PCCA: variants seen among roughly 807,000 people sequenced by gnomAD.
PCCA encodes propionyl-CoA carboxylase subunit alpha, also known as propionyl-CoA carboxylase alpha chain, mitochondrial.
A neutral mutation model predicts 101.3 loss-of-function variants in PCCA; 74 were observed. The observed-to-expected ratio is 0.73, with a 90% CI of 0.61 to 0.89. The LOEUF (loss-of-function observed/expected upper bound fraction) is 0.89, where lower values mean the gene tolerates loss of function less well. Ranked by LOEUF, PCCA falls within the 40% of genes least tolerant of loss-of-function variation. The probability of loss-of-function intolerance (pLI) is 0.00; values close to 1 mark genes in which losing one functional copy is unlikely to be tolerated. For synonymous variants in PCCA, 294 were observed against 313.6 expected, an observed-to-expected ratio of 0.94 and a Z score of 0.66; for missense variants, 891 against 907.0, an observed-to-expected ratio of 0.98 and a Z score of 0.23.
intron 6 of PCCA, among the ~76,000 whole-genome samples, chr13:100,171,052 A>G (rs1006549702): frequency 6.6e-6 from 1 of 152,186 alleles, no homozygotes; most frequent in African/African-American, 2.4e-5. Flanking sequence ...TCCATGTAAC[A>G]GTAGAGTTAT....
At chr13:100,127,849 G>T (rs1330929259) in intron 4 of PCCA, among the ~76,000 whole-genome samples, 1 of 152,126 alleles carries the variant, frequency 6.6e-6, no homozygotes, top group Non-Finnish European at 1.5e-5. Flanking sequence ...CCGAGATCGC[G>T]CCACTGCACT....
chr13:100,139,913 G>GT (rs200635877), intron 4 of PCCA, among the ~76,000 whole-genome samples: 282 of 142,512 alleles, frequency 2.0e-3, no homozygotes, highest in East Asian at 7.1e-3. Flanking sequence ...GTTTTTTTTT[G>GT]TTTTTTTTTT....
intron 2 of PCCA, among the ~76,000 whole-genome samples, chr13:100,108,837 GCAGGGACTTGGGTGTCTCTT>G (rs1024527142): frequency 3.9e-5 from 6 of 152,166 alleles, no homozygotes; most frequent in African/African-American, 1.4e-4. Context: ...TGCCTTTTGG[GCAGGGACTTGGGTGTCTCTT>G]CAGTGTATCC....
chr13:100,138,934 C>CAAAA (rs34466523), intron 4 of PCCA, among the ~76,000 whole-genome samples: 118 of 82,886 alleles, frequency 1.4e-3, no homozygotes, highest in Non-Finnish European at 1.9e-3. Flanking sequence ...AACTCCATCT[C>CAAAA]AAAAAAAAAA....
chr13:100,115,051 G>A (rs1441865101), intron 4 of PCCA, among the ~76,000 whole-genome samples: 3 of 152,162 alleles, frequency 2.0e-5, no homozygotes, highest in Non-Finnish European at 4.4e-5. Context: ...CAGATGAATG[G>A]ATAAAGAAAA....
chr13:100,188,921 G>C (rs1010196449), intron 6 of PCCA, among the ~76,000 whole-genome samples: 2 of 151,524 alleles, frequency 1.3e-5, no homozygotes, highest in African/African-American at 2.4e-5. Context: ...AAGTTCTGGG[G>C]TACATGTGCA....
intron 4 of PCCA, chr13:100,149,271 A>T (rs1262743199): frequency 6.7e-6 from 1 of 149,908 alleles, no homozygotes; most frequent in Non-Finnish European, 1.5e-5. Flanking sequence ...TGAGACTCCC[A>T]ACAAGTTTAT....
chr13:100,308,633 T>G (rs560331575), intron 15 of PCCA, among the ~76,000 whole-genome samples: 2 of 152,196 alleles, frequency 1.3e-5, no homozygotes, highest in Non-Finnish European at 2.9e-5. Context: ...GCCTAAGTTA[T>G]TAGTAGTATT....
chr13:100,140,116 A>T (rs543397540), intron 4 of PCCA, among the ~76,000 whole-genome samples: 1 of 152,280 alleles, frequency 6.6e-6, no homozygotes, highest in African/African-American at 2.4e-5. Context: ...TCACTTCTCC[A>T]TGCTAGCTTC....
At chr13:100,188,331 AC>A (rs1566665277) in intron 6 of PCCA, among the ~76,000 whole-genome samples, 29 of 148,016 alleles carry the variant, frequency 2.0e-4, no homozygotes, top group Admixed American at 3.3e-4. Flanking sequence ...AAACAAAAAC[AC>A]AAAGAAAGAA....
At chr13:100,445,265 A>C (rs1595925405) in intron 20 of PCCA, among the ~76,000 whole-genome samples, 1 of 152,318 alleles carries the variant, frequency 6.6e-6, no homozygotes, top group Middle Eastern at 3.4e-3. Flanking sequence ...CACCTCCAAC[A>C]CTGGGGATCA....
intron 5 of PCCA, among the ~76,000 whole-genome samples, chr13:100,155,923 A>G (rs2053836970): frequency 6.6e-6 from 1 of 152,232 alleles, no homozygotes; most frequent in Admixed American, 6.5e-5. Flanking sequence ...AAGGTAAAAC[A>G]CTTTAACCTT....
intron 12 of PCCA, among the ~76,000 whole-genome samples, chr13:100,274,378 G>A (rs2063502597): frequency 6.6e-6 from 1 of 152,112 alleles, no homozygotes; most frequent in African/African-American, 2.4e-5. Flanking sequence ...TTCTTTATCT[G>A]TTAGATTTCT....
intron 19 of PCCA, among the ~76,000 whole-genome samples, chr13:100,371,702 A>G (rs770707604): frequency 6.6e-6 from 1 of 152,238 alleles, no homozygotes; most frequent in African/African-American, 2.4e-5. Flanking sequence ...TCTGAAATTC[A>G]TGCAATTTCA....
chr13:100,241,492 A>T (rs1213870351), intron 8 of PCCA, among the ~76,000 whole-genome samples: 1 of 151,798 alleles, frequency 6.6e-6, no homozygotes, highest in Non-Finnish European at 1.5e-5. Context: ...TTTTTTTGAG[A>T]TAGGGTCTCG....
chr13:100,132,262 G>A (rs556328608), intron 4 of PCCA, among the ~76,000 whole-genome samples: 69 of 7,006 alleles, frequency 9.8e-3, no homozygotes, highest in Non-Finnish European at 4.7e-3. Context: ...TCAGAATGCA[G>A]AGTAGTTCCA....
intron 17 of PCCA, among the ~76,000 whole-genome samples, chr13:100,334,752 A>T (rs1377843130): frequency 6.6e-6 from 1 of 152,242 alleles, no homozygotes; most frequent in Non-Finnish European, 1.5e-5. Context: ...GAATGAAATC[A>T]TGTGGAAAAT....
intron 16 of PCCA, among the ~76,000 whole-genome samples, chr13:100,321,208 T>C: frequency 6.6e-6 from 1 of 152,214 alleles, no homozygotes; most frequent in Admixed American, 6.5e-5. Flanking sequence ...TGATACCTCT[T>C]TTCTTTTTCA....
intron 12 of PCCA, among the ~76,000 whole-genome samples, chr13:100,277,812 A>C (rs2152611983): frequency 6.6e-6 from 1 of 152,314 alleles, no homozygotes; most frequent in East Asian, 1.9e-4. Context: ...GTGCCAGCCC[A>C]CCATTTTCAC....
Sources: gnomAD v4.1 joint callset for allele counts (sites outside exome capture counted in the v4.1 genomes callset) on GRCh38, gnomAD v4.1.1 for gene constraint, MANE v1.5 for transcripts, NCBI Gene and HGNC (gene_info 2026-07-23, HGNC 2026-07-21) for gene names.